The following THAP8 variants were observed in gnomAD, a reference collection of about 807,000 sequenced individuals.
The protein encoded by THAP8 is THAP domain containing 8, also known as THAP domain-containing protein 8.
In THAP8, 24 loss-of-function variants were observed where a neutral mutation model predicts 25.0. That is an observed-to-expected ratio of 0.96 (90% CI 0.69 to 1.35). The LOEUF is 1.35. Ranked by LOEUF, THAP8 falls within the 40% of genes most tolerant of loss-of-function variation. The pLI is 0.00. For synonymous variants in THAP8, 169 were observed against 157.6 expected, an observed-to-expected ratio of 1.07 and a Z score of -0.54; for missense variants, 399 against 368.8, an observed-to-expected ratio of 1.08 and a Z score of -0.67.
At position 36,039,514 on chromosome 19, in the gene THAP8, G is replaced by A; in HGVS notation, c.481C>T (p.Gln161Ter). The A allele has an allele frequency of 1.3e-6, 2 of 1,575,760 alleles. No individual in the cohort carries two copies. Among genetic ancestry groups the A allele is most frequent in the East Asian group, 4.6e-5 (2 of 43,814 alleles). The change falls in exon 3 of 4, where the codon CAA (glutamine) becomes TAA (stop). Residue 161 changes from glutamine (Q) to a stop codon, truncating the protein, a stop_gained. Transcript: ENST00000292894. LOFTEE classifies it high-confidence loss of function. ...GCCTGTTGGGCAGGGACTTCAGGTT[G>A]TGACCGCTCAGGAGTTGGCGCAGGG... ...LAPAPTPERS[Q>*]PEVPAQQAQT...
In THAP8 at chr19:36,054,239, T is replaced by A; in HGVS notation, c.-22A>T. 1 of 1,610,486 alleles carries A rather than the reference T, an allele frequency of 6.2e-7. No homozygotes were observed. Among genetic ancestry groups the A allele is most frequent in the Non-Finnish European group, 8.5e-7 (1 of 1,178,480 alleles). The stretch of plus-strand genomic sequence containing the variant: ...GCATGGCTATCCAGCCCCCGCTGAG[T>A]TTTGCCGGGTCAGCGGCTGCACTTT... On this transcript the variant is annotated 5_prime_UTR_variant, in exon 1 of 4. Coordinates refer to ENST00000292894, the MANE Select transcript of THAP8 (RefSeq NM_152658.3).
chr19:36,053,656 C>T (rs1382574784), intron 1 of THAP8, among the ~76,000 whole-genome samples: 1 of 151,790 alleles, frequency 6.6e-6, no homozygotes, highest in Non-Finnish European at 1.5e-5. Context: ...CTTTTACAGT[C>T]GAAGCTAATT....
Position 36,054,272 on chromosome 19 carries a change from G to C in THAP8, c.-55C>G, listed in dbSNP as rs752282534. 1.0e-5 allele frequency: 16 copies of C among 1,565,582 alleles called. No individual in the cohort carries two copies. The highest frequency in any genetic ancestry group is 1.4e-5 in the Non-Finnish European group (16 of 1,154,042). On this transcript the variant is annotated 5_prime_UTR_variant, in exon 1 of 4. Transcript: ENST00000292894. ...GGTCAGCGGCTGCACTTTGGTTCTC[G>C]CGGAGCGCCGCCTAACCCCGCCCCA...
intron 1 of THAP8, among the ~76,000 whole-genome samples, chr19:36,048,373 T>TC (rs1969944754): frequency 6.6e-6 from 1 of 151,230 alleles, no homozygotes; most frequent in South Asian, 2.1e-4. Flanking sequence ...CATTTCTTTT[T>TC]TTTTTTTTTT....
chr19:36,054,053 C>A, intron 1 of THAP8, 82 bp downstream of exon 1: 1 of 1,476,300 alleles, frequency 6.8e-7, no homozygotes, highest in South Asian at 1.2e-5. Context: ...AGACCAGAAG[C>A]CCCGCACAGC....
At chr19:36,052,511 T>G (rs7250448) in intron 1 of THAP8, among the ~76,000 whole-genome samples, 71,978 of 152,068 alleles carry the variant, frequency 0.47, 17,802 homozygotes, top group African/African-American at 0.61. Context: ...GCCTTTGTTT[T>G]GTGAGGGAGT....
At chr19:36,050,994 G>C (rs1017308861) in intron 1 of THAP8, among the ~76,000 whole-genome samples, 1 of 152,154 alleles carries the variant, frequency 6.6e-6, no homozygotes, top group Non-Finnish European at 1.5e-5. Flanking sequence ...GACAAAGAAA[G>C]ACAAAACCTC....
intron 1 of THAP8, 125 bp from the exon 2 acceptor site, chr19:36,040,261 T>C (rs1359127861): frequency 1.5e-5 from 15 of 973,224 alleles, no homozygotes; most frequent in African/African-American, 3.3e-5. Context: ...GAAGTAGACC[T>C]GTCTTGTGCC....
intron 1 of THAP8, among the ~76,000 whole-genome samples, chr19:36,053,287 C>T (rs1264665586): frequency 7.1e-6 from 1 of 141,572 alleles, no homozygotes; most frequent in East Asian, 2.1e-4. Flanking sequence ...AGGCTGGTCT[C>T]GAACTCCTGA....
At chr19:36,048,850 A>AC (rs1969965576) in intron 1 of THAP8, among the ~76,000 whole-genome samples, 2 of 131,246 alleles carry the variant, frequency 1.5e-5, no homozygotes, top group African/African-American at 5.7e-5. Flanking sequence ...TTAAAAAAAA[A>AC]AAAAAACAAA....
At chr19:36,050,382 G>A (rs1405141294) in intron 1 of THAP8, among the ~76,000 whole-genome samples, 1 of 152,180 alleles carries the variant, frequency 6.6e-6, no homozygotes. Flanking sequence ...GGGCTCAAGC[G>A]ATCCTCCTGC....
upstream of THAP8, chr19:36,054,301 G>A (rs937372953): frequency 4.7e-6 from 7 of 1,481,680 alleles, no homozygotes; most frequent in East Asian, 2.5e-5. Context: ...CGCCCCACCC[G>A]CGCTCGCCGC....
At chr19:36,047,105 G>C (rs1401699327) in intron 1 of THAP8, among the ~76,000 whole-genome samples, 3 of 152,196 alleles carry the variant, frequency 2.0e-5, no homozygotes, top group Admixed American at 2.0e-4. Flanking sequence ...GTTCCCCTTT[G>C]TATGCAGTCA....
At chr19:36,052,028 T>G (rs78550080) in intron 1 of THAP8, among the ~76,000 whole-genome samples, 1 of 151,590 alleles carries the variant, frequency 6.6e-6, no homozygotes, top group African/African-American at 2.4e-5. Flanking sequence ...ATTTTTTTTT[T>G]GTTTGTTTGT....
In THAP8 at chr19:36,035,332, C is replaced by T. The variant is rs1399710812; in HGVS notation, c.*108G>A. The stretch of plus-strand genomic sequence containing the variant: ...GTAGAACCCAGGCCCTTGAGGGAGG[C>T]ACTGCTACTACCCAGGCGTGGGCGG... On this transcript the variant is annotated 3_prime_UTR_variant, in exon 4 of 4. Transcript: ENST00000292894. The T allele has an allele frequency of 1.4e-6, 2 of 1,411,092 alleles. No homozygotes were observed. The highest frequency in any genetic ancestry group is 1.4e-5 in the South Asian group (1 of 70,686). The allele number at this position is 1,411,092 out of a possible 1,614,324, so 87.4% of individuals were successfully genotyped here.
At chr19:36,046,163 A>C (rs1969874539) in intron 1 of THAP8, among the ~76,000 whole-genome samples, 2 of 152,012 alleles carry the variant, frequency 1.3e-5, no homozygotes, top group South Asian at 4.1e-4. Context: ...TTCCCATGAT[A>C]GTGAGTGAGT....
intron 1 of THAP8, among the ~76,000 whole-genome samples, chr19:36,049,601 G>A (rs566810427): frequency 5.9e-5 from 9 of 152,174 alleles, no homozygotes; most frequent in South Asian, 2.1e-4. Flanking sequence ...AGTCACTAGC[G>A]GGTGCCAATG....
chr19:36,054,239 T>C lies in THAP8; in HGVS notation c.-22A>G. Reference sequence around the variant, plus strand: ...GCATGGCTATCCAGCCCCCGCTGAGTTTTGCCGGGTCAGCGGCTGCACTTT... The same window carrying C: ...GCATGGCTATCCAGCCCCCGCTGAGCTTTGCCGGGTCAGCGGCTGCACTTT... On this transcript the variant is annotated 5_prime_UTR_variant, in exon 1 of 4. Transcript: ENST00000292894. The C allele has an allele frequency of 6.2e-7, 1 of 1,610,486 alleles. No individual in the cohort carries two copies. Among genetic ancestry groups the C allele is most frequent in the African/African-American group, 1.3e-5 (1 of 74,962 alleles).
At position 36,039,494 on chromosome 19, in the gene THAP8, T is replaced by A. The variant is rs768325776; in HGVS notation, c.501A>T (p.Gln167His). 7 of 1,587,102 alleles carry A rather than the reference T, an allele frequency of 4.4e-6. No individual in the cohort carries two copies. The highest frequency in any genetic ancestry group is 1.7e-4 in the Middle Eastern group (1 of 5,958). ...PERSQPEVPA[Q>H]QAQTGLGPVL... ...CTGGGCCCAGCCCGGTCTGGGCCTGTTGGGCAGGGACTTCAGGTTGTGACC... is the reference window on the plus strand; with the variant it reads ...CTGGGCCCAGCCCGGTCTGGGCCTGATGGGCAGGGACTTCAGGTTGTGACC... The change falls in exon 3 of 4, where the codon CAA (glutamine) becomes CAT (histidine). Residue 167 changes from glutamine (Q) to histidine (H), a missense_variant. Gln to His is a conservative substitution (Grantham distance 24). Transcript: ENST00000292894.
Sources: allele counts gnomAD v4.1 joint callset (sites outside exome capture counted in the v4.1 genomes callset), GRCh38; gene constraint gnomAD v4.1.1; transcripts MANE v1.5; gene names NCBI Gene and HGNC (gene_info 2026-07-23, HGNC 2026-07-21).